The following FZD6 variants were observed in gnomAD, a reference collection of about 807,000 sequenced individuals.
The protein encoded by FZD6 is frizzled class receptor 6.
FZD6 carries 49 observed loss-of-function variants against 61.4 expected under a neutral mutation model. The ratio of observed to expected loss-of-function variants is 0.80; its 90% CI spans 0.63 to 1.01. The LOEUF is 1.01. FZD6 is among the 50% of genes least tolerant of loss of function. The probability of loss-of-function intolerance (pLI) is 0.00; values close to 1 mark genes in which losing one functional copy is unlikely to be tolerated. For missense variants in FZD6, 724 were observed against 848.2 expected, an observed-to-expected ratio of 0.85 and a Z score of 1.82; for synonymous variants, 265 against 292.2, an observed-to-expected ratio of 0.91 and a Z score of 0.95.
intron 3 of FZD6, 147 bp downstream of exon 3, chr8:103,318,933 C>A: frequency 1.5e-6 from 1 of 677,122 alleles, no homozygotes; most frequent in Non-Finnish European, 2.6e-6. Flanking sequence ...GTGCTAAGTG[C>A]TGTGGACACA....
chr8:103,306,267 C>G (rs1455937095), intron 2 of FZD6, among the ~76,000 whole-genome samples: 1 of 152,124 alleles, frequency 6.6e-6, no homozygotes. Context: ...CCAGGCTCCA[C>G]TTTACATTTT....
intron 2 of FZD6, among the ~76,000 whole-genome samples, chr8:103,305,900 TTG>T (rs1165121911): frequency 5.9e-5 from 9 of 152,368 alleles, no homozygotes; most frequent in African/African-American, 2.2e-4. Context: ...GGGAAGACTG[TTG>T]TGATTATTTC....
Position 103,325,245 on chromosome 8 carries a change from T to G in FZD6, c.1139T>G (p.Phe380Cys). 6.2e-7 allele frequency: 1 copy of G among 1,614,194 alleles called. No individual in the cohort carries two copies. The highest frequency in any genetic ancestry group is 8.5e-7 in the Non-Finnish European group (1 of 1,180,024). ...FVLLPLCLCV[F>C]VGLSLLLAGI... ...CTCTTGCCACTGTGCCTTTGTGTGT[T>G]TGTTGGGCTCTCTCTTCTTTTAGCT... Residue 380 changes from phenylalanine to cysteine, a missense_variant, in exon 4 of 7, where the codon TTT becomes TGT. Phe to Cys is a radical substitution (Grantham distance 205). Coordinates refer to ENST00000358755, the MANE Select transcript of FZD6 (RefSeq NM_003506.4).
intron 2 of FZD6, among the ~76,000 whole-genome samples, chr8:103,310,987 A>G (rs1814482304): frequency 6.6e-6 from 1 of 152,008 alleles, no homozygotes; most frequent in Non-Finnish European, 1.5e-5. Flanking sequence ...GGTCTTCTTG[A>G]TTACAAACAA....
intron 2 of FZD6, among the ~76,000 whole-genome samples, 169 bp downstream of exon 2, chr8:103,300,453 T>C (rs1814129563): frequency 6.6e-6 from 1 of 152,252 alleles, no homozygotes; most frequent in Non-Finnish European, 1.5e-5. Context: ...TTATGTTTTG[T>C]GTACCTTTGC....
At position 103,304,792 on chromosome 8, in the gene FZD6, C is replaced by T. The variant is rs545143766; in HGVS notation, c.177+4508C>T. ...AATGAAATAAGTGGACATTATTGTG[C>T]ATTCTTATGTTAATACATTAACTGA... On this transcript the variant is annotated intron_variant, in intron 2 of 6. Coordinates refer to ENST00000358755, the MANE Select transcript of FZD6 (RefSeq NM_003506.4). 2.0e-5 allele frequency among the ~76,000 whole-genome samples: 3 copies of T among 152,282 alleles called. No homozygotes were observed. In the South Asian group the frequency reaches 6.2e-4, roughly 32 times the overall value.
intron 2 of FZD6, among the ~76,000 whole-genome samples, chr8:103,302,528 C>T (rs896462931): frequency 1.3e-5 from 2 of 152,084 alleles, no homozygotes; most frequent in Non-Finnish European, 2.9e-5. Flanking sequence ...AGAAAAGCTG[C>T]GATTTGTCCC....
chr8:103,316,045 T>C (rs564310765), intron 2 of FZD6, among the ~76,000 whole-genome samples: 15 of 152,302 alleles, frequency 9.8e-5, no homozygotes, highest in African/African-American at 3.4e-4. Context: ...CCTGCCACTT[T>C]TACTTCTCCT....
Position 103,324,861 on chromosome 8 carries a change from T to A in FZD6, c.755T>A (p.Phe252Tyr), listed in dbSNP as rs1176717343. Residue 252 changes from phenylalanine (F) to tyrosine (Y), a missense_variant, in exon 4 of 7, where the codon TTT (phenylalanine) becomes TAT (tyrosine). Phe to Tyr is a conservative substitution (Grantham distance 22). Transcript: ENST00000358755. ...GTATCTCTTATGTACTTCATTGGAT[T>A]TTTGCTAGGCGATAGCACAGCCTGC... ...SIVSLMYFIGFLLGDSTACNK... is the reference protein window; with the variant it reads ...SIVSLMYFIGYLLGDSTACNK... 6.2e-7 allele frequency: 1 copy of A among 1,613,960 alleles called. No homozygotes were observed. Among genetic ancestry groups the A allele is most frequent in the Non-Finnish European group, 8.5e-7 (1 of 1,179,956 alleles).
chr8:103,306,794 C>A (rs530428142), intron 2 of FZD6, among the ~76,000 whole-genome samples: 1 of 151,986 alleles, frequency 6.6e-6, no homozygotes, highest in African/African-American at 2.4e-5. Context: ...CGTGAGCCAC[C>A]GCGCCTGGCC....
chr8:103,320,624 A>T (rs1462438867), intron 3 of FZD6, among the ~76,000 whole-genome samples: 1 of 152,078 alleles, frequency 6.6e-6, no homozygotes, highest in Middle Eastern at 3.2e-3. Context: ...AGGATTTTTT[A>T]AAAAATGAAT....
intron 2 of FZD6, among the ~76,000 whole-genome samples, chr8:103,306,718 G>A (rs1198137564): frequency 6.6e-6 from 1 of 151,666 alleles, no homozygotes; most frequent in African/African-American, 2.4e-5. Context: ...TGTTAGCCAG[G>A]ATGGTCTCAA....
At chr8:103,304,648 G>A (rs1814278631) in intron 2 of FZD6, among the ~76,000 whole-genome samples, 2 of 152,188 alleles carry the variant, frequency 1.3e-5, no homozygotes, top group South Asian at 2.1e-4. Context: ...AAATGAGTGT[G>A]GCTGTGTCTC....
chr8:103,312,041 T>A (rs1814510914), intron 2 of FZD6, among the ~76,000 whole-genome samples: 1 of 152,214 alleles, frequency 6.6e-6, no homozygotes. Context: ...AAATACTCTA[T>A]GTATTTTGAT....
chr8:103,299,838 AT>A, intron 1 of FZD6, 117 bp from the exon 2 acceptor site: 1 of 420,120 alleles, frequency 2.4e-6, no homozygotes, highest in Non-Finnish European at 4.5e-6. Flanking sequence ...TTAGGACAGA[AT>A]TTTCCGTTGT....
chr8:103,317,870 A>T (rs1349439462), intron 2 of FZD6, among the ~76,000 whole-genome samples: 2 of 151,516 alleles, frequency 1.3e-5, no homozygotes, highest in Non-Finnish European at 2.9e-5. Context: ...AAAAAGAATG[A>T]GTTGTAAGAT....
chr8:103,309,950 C>T (rs556020728), intron 2 of FZD6, among the ~76,000 whole-genome samples: 2 of 152,198 alleles, frequency 1.3e-5, no homozygotes, highest in South Asian at 4.2e-4. Flanking sequence ...ACTTGATGCT[C>T]CCAAGGCGTG....
intron 4 of FZD6, among the ~76,000 whole-genome samples, chr8:103,327,858 C>T (rs827547): frequency 0.38 from 57,361 of 151,680 alleles, 11,280 homozygotes; most frequent in Middle Eastern, 0.54. Flanking sequence ...ATATTAATAA[C>T]GTATAAAAGC....
At chr8:103,313,111 A>G (rs545078217) in intron 2 of FZD6, among the ~76,000 whole-genome samples, 10 of 152,214 alleles carry the variant, frequency 6.6e-5, no homozygotes, top group Admixed American at 1.3e-4. Context: ...TCTTACTACT[A>G]TTGTGACTAT....
Sources: gnomAD v4.1 joint callset for allele counts (sites outside exome capture counted in the v4.1 genomes callset) on GRCh38, gnomAD v4.1.1 for gene constraint, MANE v1.5 for transcripts, NCBI Gene and HGNC (gene_info 2026-07-23, HGNC 2026-07-21) for gene names.